Variants in PTK2 observed in about 807,000 individuals in gnomAD.
The protein encoded by PTK2 is protein tyrosine kinase 2, also known as focal adhesion kinase 1.
PTK2 carries 45 observed loss-of-function variants against 150.1 expected under a neutral mutation model. The observed-to-expected ratio is 0.30, with a 90% CI of 0.24 to 0.38. The LOEUF is 0.38. PTK2 is among the 10% of genes least tolerant of loss of function. PTK2 has a pLI of 1.00. For synonymous variants in PTK2, 432 were observed against 449.2 expected (o/e 0.96, Z 0.48); for missense variants, 919 against 1,307.3 (o/e 0.70, Z 4.58).
chr8:140,775,347 T>C (rs2100077803), intron 14 of PTK2, among the ~76,000 whole-genome samples: 1 of 151,942 alleles, frequency 6.6e-6, no homozygotes, highest in African/African-American at 2.4e-5. Context: ...TAGTCAGGCG[T>C]GGTGGTGTGT....
chr8:140,839,215 G>A (rs1375416435), intron 7 of PTK2, among the ~76,000 whole-genome samples: 1 of 152,106 alleles, frequency 6.6e-6, no homozygotes, highest in Non-Finnish European at 1.5e-5. Flanking sequence ...CCTGCAAGGT[G>A]GGGATGATGA....
intron 7 of PTK2, among the ~76,000 whole-genome samples, chr8:140,842,680 T>C (rs1030568303): frequency 1.3e-5 from 2 of 152,096 alleles, no homozygotes; most frequent in Non-Finnish European, 2.9e-5. Context: ...GATAGGGTGC[T>C]GAATTCACAC....
At chr8:140,691,198 G>T (rs527311559) in intron 26 of PTK2, among the ~76,000 whole-genome samples, 4 of 147,214 alleles carry the variant, frequency 2.7e-5, no homozygotes, top group Non-Finnish European at 4.6e-5. Context: ...GATGGTTGGG[G>T]GTGGGGGGTC....
chr8:140,916,915 A>G (rs1034297174), intron 2 of PTK2, among the ~76,000 whole-genome samples: 9 of 152,226 alleles, frequency 5.9e-5, no homozygotes, highest in Admixed American at 4.6e-4. Flanking sequence ...GGGGATAATG[A>G]TATTTCCTAT....
chr8:140,812,604 C>T (rs998813593), intron 10 of PTK2, among the ~76,000 whole-genome samples: 6 of 152,060 alleles, frequency 3.9e-5, no homozygotes, highest in African/African-American at 1.4e-4. Context: ...GATAAAGAAC[C>T]AAGATTCATT....
chr8:140,961,595 G>A (rs932446989), intron 1 of PTK2, among the ~76,000 whole-genome samples: 4 of 151,944 alleles, frequency 2.6e-5, no homozygotes, highest in Admixed American at 2.6e-4. Flanking sequence ...CTGGGAGGTG[G>A]AGGTTGCAGT....
At chr8:140,862,395 G>A (rs2100136737) in intron 5 of PTK2, among the ~76,000 whole-genome samples, 2 of 152,136 alleles carry the variant, frequency 1.3e-5, no homozygotes, top group Non-Finnish European at 1.5e-5. Flanking sequence ...TAATACATGA[G>A]AACCAGTCTG....
At chr8:140,980,300 A>T (rs2100190923) in intron 1 of PTK2, among the ~76,000 whole-genome samples, 1 of 152,238 alleles carries the variant, frequency 6.6e-6, no homozygotes, top group Non-Finnish European at 1.5e-5. Context: ...CAAGTCATAT[A>T]AAGACATATA....
At chr8:140,671,584 A>G (rs540257262) in intron 29 of PTK2, among the ~76,000 whole-genome samples, 87 of 152,126 alleles carry the variant, frequency 5.7e-4, no homozygotes, top group African/African-American at 2.0e-3. Flanking sequence ...CCAAGCAGAC[A>G]ATGAAGAAAC....
At chr8:140,908,762 T>G (rs554783673) in intron 2 of PTK2, among the ~76,000 whole-genome samples, 29 of 152,294 alleles carry the variant, frequency 1.9e-4, no homozygotes, top group African/African-American at 6.7e-4. Flanking sequence ...TCGAGCCCTT[T>G]GCTAAGACCA....
At position 140,770,803 on chromosome 8, in the gene PTK2, T is replaced by TA. The variant is rs1215820350; in HGVS notation, c.1178-6514dup. 3.8e-6 allele frequency: 5 copies of TA among 1,298,968 alleles called. No individual in the cohort carries two copies. The African/African-American group carries it at 7.6e-5, about 20-fold the overall frequency. The allele number at this position is 1,298,968 out of a possible 1,614,324, so 80.5% of individuals were successfully genotyped here. A position where few individuals can be genotyped will look rare whatever the true frequency, so the allele number is the denominator to read the frequency against. On this transcript the variant is annotated intron_variant, in intron 14 of 31. Transcript: ENST00000522684. ...TTATGTTGGCAGTGACTGACTCCTTTATAAAGAGGCAAGAGGGGAAAGAGA... is the reference window on the plus strand; with the variant it reads ...TTATGTTGGCAGTGACTGACTCCTTTAATAAAGAGGCAAGAGGGGAAAGAGA...
intron 2 of PTK2, among the ~76,000 whole-genome samples, chr8:140,902,268 C>A (rs369280528): frequency 4.0e-5 from 6 of 151,896 alleles, no homozygotes; most frequent in Admixed American, 2.0e-4. Context: ...CTCCTGACAT[C>A]AGGCGATCCA....
chr8:140,735,015 G>A (rs2154394701), intron 22 of PTK2: 1 of 555,106 alleles, frequency 1.8e-6, no homozygotes, highest in South Asian at 2.1e-5. Flanking sequence ...CAGAAGCTAG[G>A]GGAGAGAGAT....
intron 14 of PTK2, among the ~76,000 whole-genome samples, chr8:140,777,102 A>C (rs1167606509): frequency 6.6e-6 from 1 of 152,234 alleles, no homozygotes; most frequent in Non-Finnish European, 1.5e-5. Context: ...AGCTAACCTG[A>C]TTAAGCCTGC....
chr8:140,961,329 G>C lies in PTK2; in HGVS notation c.-121-35580C>G, dbSNP rs527319595. On this transcript the variant is annotated intron_variant, in intron 1 of 31. Transcript: ENST00000522684. The stretch of plus-strand genomic sequence containing the variant: ...ACTCAGCAACCATACCAAATCTCCA[G>C]ATAAACTTCAAATTCCAAATGCAAA... Among the ~76,000 whole-genome samples the C allele has an allele frequency of 5.9e-5, 9 of 152,218 alleles. No homozygotes were observed. In the East Asian group the frequency reaches 1.7e-3, roughly 29 times the overall value.
At chr8:140,837,339 T>C (rs1453286945) in intron 7 of PTK2, among the ~76,000 whole-genome samples, 2 of 152,210 alleles carry the variant, frequency 1.3e-5, no homozygotes, top group African/African-American at 2.4e-5. Flanking sequence ...AACTCTCTAG[T>C]TGGTTTAAAG....
At chr8:140,910,738 C>T (rs9886378) in intron 2 of PTK2, among the ~76,000 whole-genome samples, 66,969 of 151,988 alleles carry the variant, frequency 0.44, 16,020 homozygotes, top group Non-Finnish European at 0.55. Flanking sequence ...CATGAAGTGA[C>T]TGGACATCTC....
At chr8:140,901,899 C>T (rs1389090956) in intron 2 of PTK2, among the ~76,000 whole-genome samples, 1 of 152,086 alleles carries the variant, frequency 6.6e-6, no homozygotes, top group African/African-American at 2.4e-5. Flanking sequence ...TGAGTGAGAA[C>T]ATGCAGTGTT....
chr8:140,690,114 G>T (rs1056814815), intron 26 of PTK2, among the ~76,000 whole-genome samples: 2 of 151,400 alleles, frequency 1.3e-5, no homozygotes, highest in African/African-American at 2.4e-5. Flanking sequence ...CACCACGCCC[G>T]GCTAATTTTT....
Sources: gnomAD v4.1 joint callset for allele counts (sites outside exome capture counted in the v4.1 genomes callset) on GRCh38, gnomAD v4.1.1 for gene constraint, MANE v1.5 for transcripts, NCBI Gene and HGNC (gene_info 2026-07-23, HGNC 2026-07-21) for gene names.